VPS13C: variants seen among roughly 807,000 people sequenced by gnomAD.
VPS13C encodes intermembrane lipid transfer protein VPS13C.
In VPS13C, 358 loss-of-function variants were observed where a neutral mutation model predicts 456.8. The ratio of observed to expected loss-of-function variants is 0.78; its 90% CI spans 0.72 to 0.86. VPS13C has a LOEUF of 0.86. Ranked by LOEUF, VPS13C falls within the 40% of genes least tolerant of loss-of-function variation. VPS13C has a pLI of 0.00. For missense variants in VPS13C, 4,818 were observed against 4,385.4 expected, an observed-to-expected ratio of 1.10 and a Z score of -2.79; for synonymous variants, 1,578 against 1,486.7, an observed-to-expected ratio of 1.06 and a Z score of -1.41.
chr15:61,873,558 T>C (rs1895189006), intron 77 of VPS13C, 149 bp from the exon 78 acceptor site: 4 of 722,062 alleles, frequency 5.5e-6, no homozygotes, highest in Admixed American at 3.0e-5. Flanking sequence ...CCAACAAGTA[T>C]ATGAAAAAAT....
rs2046231057 is a variant in VPS13C at position 61,991,791 on chromosome 15, A to G, written c.1365T>C (p.Ser455=). The part of the protein sequence containing the change: ...RQQAQVEVIR[S]GQKLRKKSAD... ...CAGACTTTTTCCTTAATTTTTGCCC[A>G]GACCGAATCACCTGAAAAATAAAAA... Residue 455 remains serine, a synonymous_variant, in exon 17 of 85, where the codon TCT becomes TCC. Coordinates refer to ENST00000644861, the MANE Select transcript of VPS13C (RefSeq NM_020821.3). 1 of 1,610,952 alleles carries G rather than the reference A, an allele frequency of 6.2e-7. No individual in the cohort carries two copies. Among genetic ancestry groups the G allele is most frequent in the Non-Finnish European group, 8.5e-7 (1 of 1,178,650 alleles).
intron 21 of VPS13C, 144 bp downstream of exon 21, chr15:61,982,315 G>T: frequency 2.0e-6 from 1 of 490,758 alleles, no homozygotes; most frequent in Non-Finnish European, 3.4e-6. Context: ...TTTTGAGAAA[G>T]CCATGTCCAC....
intron 47 of VPS13C, among the ~76,000 whole-genome samples, chr15:61,939,456 C>A (rs2044341788): frequency 6.6e-6 from 1 of 152,158 alleles, no homozygotes; most frequent in Admixed American, 6.5e-5. Context: ...TCCTTTGATC[C>A]TTCCTATTTC....
At chr15:61,999,459 C>T (rs1016791654) in intron 16 of VPS13C, among the ~76,000 whole-genome samples, 2 of 151,636 alleles carry the variant, frequency 1.3e-5, no homozygotes, top group African/African-American at 4.8e-5. Flanking sequence ...GCGTCCCTAA[C>T]GTTCAGTTTG....
chr15:61,875,668 G>T, intron 76 of VPS13C, 64 bp downstream of exon 76: 2 of 1,115,760 alleles, frequency 1.8e-6, no homozygotes, highest in Non-Finnish European at 1.3e-6. Context: ...ATTACTATTT[G>T]TTATTAAAAA....
intron 81 of VPS13C, chr15:61,865,669 T>C: frequency 2.6e-6 from 1 of 380,766 alleles, no homozygotes; most frequent in Non-Finnish European, 3.6e-6. Flanking sequence ...TATGTGTATA[T>C]ATGTGTATAT....
chr15:61,990,767 C>T (rs1052366853), intron 18 of VPS13C, among the ~76,000 whole-genome samples: 4 of 152,014 alleles, frequency 2.6e-5, no homozygotes, highest in Non-Finnish European at 5.9e-5. Context: ...GCCAAGATCA[C>T]GCCACTGCAC....
intron 48 of VPS13C, chr15:61,935,537 G>A (rs1429480699): frequency 2.6e-5 from 4 of 152,144 alleles, no homozygotes; most frequent in Admixed American, 2.6e-4. Flanking sequence ...TCGTGATCAC[G>A]GCTGAACACA....
intron 18 of VPS13C, among the ~76,000 whole-genome samples, chr15:61,988,890 T>C (rs1391234210): frequency 4.6e-5 from 7 of 152,028 alleles, no homozygotes; most frequent in Non-Finnish European, 7.4e-5. Context: ...CTTCACACCA[T>C]ACACAAAAAT....
Position 61,880,732 on chromosome 15 carries a change from AT to A in VPS13C, c.9889-11del. On this transcript the variant is annotated splice_polypyrimidine_tract_variant and intron_variant, in intron 72 of 84. Coordinates refer to ENST00000644861, the MANE Select transcript of VPS13C (RefSeq NM_020821.3). ...GTTGGATTAACTTTGTCTGAAAAAA[AT>A]AAAATCAAGAATTTCTATTTTAATT... is the stretch of plus-strand genomic sequence containing the variant. 1.3e-6 allele frequency: 2 copies of A among 1,557,512 alleles called. No homozygotes were observed. Among genetic ancestry groups the A allele is most frequent in the East Asian group, 2.3e-5 (1 of 43,762 alleles).
In VPS13C at chr15:62,034,946, A is replaced by ATTC; in HGVS notation, c.283+10_283+11insGAA. On this transcript the variant is annotated intron_variant, in intron 4 of 84. Coordinates refer to ENST00000644861, the MANE Select transcript of VPS13C (RefSeq NM_020821.3). ...GATGTTATTGAATGGTTATAACCTA[A>ATTC]AATAACATACTTGCTCCAGGGACAA... 6.4e-7 allele frequency: 1 copy of ATTC among 1,574,336 alleles called. No individual in the cohort carries two copies. Among genetic ancestry groups the ATTC allele is most frequent in the Non-Finnish European group, 8.7e-7 (1 of 1,156,002 alleles).
intron 11 of VPS13C, 130 bp downstream of exon 11, chr15:62,012,909 C>T: frequency 3.7e-6 from 2 of 535,974 alleles, no homozygotes; most frequent in Non-Finnish European, 6.2e-6. Context: ...GGATGTTTTT[C>T]ATATTTCTGA....
intron 38 of VPS13C, 126 bp downstream of exon 38, chr15:61,954,295 G>T: frequency 1.0e-6 from 1 of 999,500 alleles, no homozygotes; most frequent in Non-Finnish European, 1.5e-6. Flanking sequence ...AAACATCACT[G>T]CTACATGTGA....
At chr15:61,995,234 C>T (rs1158561429) in intron 16 of VPS13C, among the ~76,000 whole-genome samples, 2 of 151,982 alleles carry the variant, frequency 1.3e-5, no homozygotes, top group Admixed American at 1.3e-4. Context: ...AACTTCTGAA[C>T]AAAATATAAA....
chr15:61,917,645 G>C lies in VPS13C; in HGVS notation c.7761-10C>G. On this transcript the variant is annotated splice_polypyrimidine_tract_variant and intron_variant, in intron 59 of 84. Transcript: ENST00000644861. Reference sequence around the variant, plus strand: ...GATAAACAATTGACATCTGCAGAAAGAGGAAACAGTGACAATAAAGTTTTG... The same window carrying C: ...GATAAACAATTGACATCTGCAGAAACAGGAAACAGTGACAATAAAGTTTTG... The C allele has an allele frequency of 6.2e-7, 1 of 1,603,408 alleles. No homozygotes were observed. Among genetic ancestry groups the C allele is most frequent in the East Asian group, 2.2e-5 (1 of 44,644 alleles).
At chr15:61,942,125 C>T in intron 45 of VPS13C, 58 bp from the exon 46 acceptor site, 1 of 1,429,728 alleles carries the variant, frequency 7.0e-7, no homozygotes, top group Non-Finnish European at 9.4e-7. Context: ...AAAGAAAAAA[C>T]TTTAAAAAGC....
chr15:61,922,328 A>T (rs1347487808), intron 54 of VPS13C, 69 bp downstream of exon 54: 1 of 1,532,608 alleles, frequency 6.5e-7, no homozygotes, highest in African/African-American at 1.4e-5. Context: ...AAACAAGAAA[A>T]GTGTATATCT....
intron 6 of VPS13C, among the ~76,000 whole-genome samples, chr15:62,027,246 T>TA (rs145428490): frequency 3.3e-5 from 5 of 151,390 alleles, no homozygotes; most frequent in South Asian, 2.1e-4. Context: ...AATATACCTT[T>TA]AAAAAAAAAC....
intron 38 of VPS13C, among the ~76,000 whole-genome samples, chr15:61,952,694 C>T (rs547106115): frequency 1.3e-5 from 2 of 152,142 alleles, no homozygotes; most frequent in South Asian, 2.1e-4. Context: ...GAGCCCATTC[C>T]TTTAAAAGTT....
Sources: allele counts gnomAD v4.1 joint callset (sites outside exome capture counted in the v4.1 genomes callset), GRCh38; gene constraint gnomAD v4.1.1; transcripts MANE v1.5; gene names NCBI Gene and HGNC (gene_info 2026-07-23, HGNC 2026-07-21).